LMNTD1: variants seen among roughly 807,000 people sequenced by gnomAD.
LMNTD1 encodes the protein lamin tail domain containing 1.
LMNTD1 carries 35 observed loss-of-function variants against 50.9 expected under a neutral mutation model. That is an observed-to-expected ratio of 0.69 (90% CI 0.53 to 0.91). LMNTD1 has a LOEUF of 0.91. Among genes scored for constraint, LMNTD1 ranks in the 40% least tolerant of loss-of-function variants. The probability of loss-of-function intolerance (pLI) is 0.00; values close to 1 mark genes in which losing one functional copy is unlikely to be tolerated. For missense variants in LMNTD1, 470 were observed against 475.5 expected (o/e 0.99, Z 0.11); for synonymous variants, 153 against 161.9 (o/e 0.94, Z 0.42).
At chr12:25,507,275 A>ACAC (rs1388932915) in intron 8 of LMNTD1, among the ~76,000 whole-genome samples, 21 of 152,300 alleles carry the variant, frequency 1.4e-4, no homozygotes, top group African/African-American at 4.8e-4. Context: ...CACAATTAAC[A>ACAC]CACCTAAGAA....
chr12:25,511,960 C>T (rs770814632), intron 8 of LMNTD1, among the ~76,000 whole-genome samples: 3 of 152,178 alleles, frequency 2.0e-5, no homozygotes, highest in Admixed American at 6.6e-5. Context: ...CCTTCAATAC[C>T]TTAGTTCCAA....
chr12:25,546,660 T>C (rs899271770), intron 3 of LMNTD1, 106 bp from the exon 4 acceptor site: 120 of 604,886 alleles, frequency 2.0e-4, no homozygotes, highest in Non-Finnish European at 2.8e-4. Context: ...CAAAATTATA[T>C]TTTTACATTT....
chr12:25,503,678 C>A (rs1226638889), intron 9 of LMNTD1, 60 bp downstream of exon 9: 2 of 843,848 alleles, frequency 2.4e-6, no homozygotes, highest in East Asian at 2.5e-5. Flanking sequence ...CATTTCTGCC[C>A]ATTACTTTAG....
intron 1 of LMNTD1, among the ~76,000 whole-genome samples, chr12:25,625,603 C>T (rs546162273): frequency 1.1e-4 from 17 of 152,316 alleles, no homozygotes; most frequent in African/African-American, 4.1e-4. Context: ...GCTCAAGTGC[C>T]TTCAGGTCCT....
At chr12:25,516,774 T>C (rs1419308869) in intron 8 of LMNTD1, among the ~76,000 whole-genome samples, 1 of 151,606 alleles carries the variant, frequency 6.6e-6, no homozygotes, top group South Asian at 2.1e-4. Context: ...ACAGGCAACC[T>C]ACAAAATGGG....
chr12:25,545,913 ACT>A (rs971644123), intron 4 of LMNTD1, among the ~76,000 whole-genome samples: 7 of 151,560 alleles, frequency 4.6e-5, no homozygotes, highest in African/African-American at 1.5e-4. Context: ...ATTGATCATA[ACT>A]CTTTTATTTT....
intron 4 of LMNTD1, among the ~76,000 whole-genome samples, chr12:25,527,672 A>C (rs1941868268): frequency 4.7e-5 from 1 of 21,436 alleles, no homozygotes; most frequent in African/African-American, 1.1e-4. Flanking sequence ...ATATATATAT[A>C]TATATATATA....
At chr12:25,621,773 A>G (rs572118113) in intron 1 of LMNTD1, among the ~76,000 whole-genome samples, 2 of 152,340 alleles carry the variant, frequency 1.3e-5, no homozygotes, top group South Asian at 4.1e-4. Context: ...AGAAGATTAC[A>G]CTCTTGAGGC....
At chr12:25,584,630 A>T (rs745736698) in intron 1 of LMNTD1, among the ~76,000 whole-genome samples, 3 of 152,258 alleles carry the variant, frequency 2.0e-5, no homozygotes, top group Non-Finnish European at 4.4e-5. Flanking sequence ...AATAGTAAAG[A>T]AACGCATTTT....
chr12:25,478,334 C>T (rs1039285299), intron 9 of LMNTD1, among the ~76,000 whole-genome samples: 17 of 152,074 alleles, frequency 1.1e-4, no homozygotes, highest in African/African-American at 4.1e-4. Context: ...TTCATACAAC[C>T]GGAAATGCAC....
intron 8 of LMNTD1, among the ~76,000 whole-genome samples, chr12:25,515,760 G>C (rs2619481): frequency 0.74 from 112,205 of 151,614 alleles, 42,431 homozygotes; most frequent in East Asian, 0.88. Context: ...TAGTCTCTAG[G>C]CTCCTCTGTA....
chr12:25,492,051 A>G (rs1235897735), intron 9 of LMNTD1, among the ~76,000 whole-genome samples: 1 of 152,232 alleles, frequency 6.6e-6, no homozygotes, highest in Non-Finnish European at 1.5e-5. Context: ...TTTAGATTTC[A>G]AACTATGGGA....
chr12:25,554,177 A>C (rs1247280595), upstream of LMNTD1, among the ~76,000 whole-genome samples: 2 of 152,238 alleles, frequency 1.3e-5, no homozygotes, highest in African/African-American at 4.8e-5. Context: ...CAGAAGGTTT[A>C]TAAATTTTTA....
intron 4 of LMNTD1, among the ~76,000 whole-genome samples, chr12:25,544,270 A>G (rs1943287952): frequency 6.6e-6 from 1 of 151,916 alleles, no homozygotes; most frequent in Non-Finnish European, 1.5e-5. Context: ...ACAGATATTT[A>G]TAATTATTAT....
intron 1 of LMNTD1, among the ~76,000 whole-genome samples, chr12:25,608,711 C>T (rs1946176344): frequency 6.6e-6 from 1 of 152,066 alleles, no homozygotes; most frequent in African/African-American, 2.4e-5. Context: ...TGCTGTTAGG[C>T]TGATGGGAAA....
intron 8 of LMNTD1, among the ~76,000 whole-genome samples, chr12:25,508,921 G>A (rs1392268922): frequency 6.6e-6 from 1 of 151,916 alleles, no homozygotes; most frequent in East Asian, 1.9e-4. Context: ...GGTATGGAGT[G>A]AATATTTTAT....
At chr12:25,546,649 A>C in intron 3 of LMNTD1, 95 bp from the exon 4 acceptor site, 1 of 663,412 alleles carries the variant, frequency 1.5e-6, no homozygotes. Context: ...CTCTGCTTCT[A>C]CAAAATTATA....
chr12:25,618,692 T>C (rs1035147865), intron 1 of LMNTD1, among the ~76,000 whole-genome samples: 48 of 152,206 alleles, frequency 3.2e-4, no homozygotes, highest in African/African-American at 1.1e-3. Context: ...TACTCTATAC[T>C]TGGTAAAAGA....
intron 1 of LMNTD1, among the ~76,000 whole-genome samples, chr12:25,636,902 G>T (rs151161493): frequency 6.3e-4 from 96 of 151,636 alleles, no homozygotes; most frequent in East Asian, 1.9e-3. Context: ...AAAACCAAAA[G>T]TCATATGTTC....
Sources: gnomAD v4.1 joint callset for allele counts (sites outside exome capture counted in the v4.1 genomes callset) on GRCh38, gnomAD v4.1.1 for gene constraint, MANE v1.5 for transcripts, NCBI Gene and HGNC (gene_info 2026-07-23, HGNC 2026-07-21) for gene names.